Variants in PCDHGA2 observed in about 807,000 individuals in gnomAD.
The protein encoded by PCDHGA2 is protocadherin gamma subfamily A, 2.
A neutral mutation model predicts 59.2 loss-of-function variants in PCDHGA2; 40 were observed. The observed-to-expected ratio is 0.68, with a 90% CI of 0.52 to 0.88. The LOEUF (loss-of-function observed/expected upper bound fraction) is 0.88. PCDHGA2 is among the 40% of genes least tolerant of loss of function. The pLI, the probability that PCDHGA2 is intolerant of heterozygous loss-of-function variation, is 0.00. For synonymous variants in PCDHGA2, 560 were observed against 526.0 expected (o/e 1.06, Z -0.89); for missense variants, 1,226 against 1,204.0 (o/e 1.02, Z -0.27).
chr5:141,417,230 T>C (rs2096097492), intron 1 of PCDHGA2: 1 of 152,210 alleles, frequency 6.6e-6, no homozygotes, highest in Non-Finnish European at 1.5e-5. Context: ...AAAAAATTTG[T>C]TGCTTATCTT....
intron 1 of PCDHGA2, among the ~76,000 whole-genome samples, chr5:141,457,926 GGGCTTTTATT>G (rs1398565105): frequency 6.6e-6 from 1 of 151,120 alleles, no homozygotes; most frequent in Non-Finnish European, 1.5e-5. Context: ...TCTCCCCAAG[GGGCTTTTATT>G]GGCTCTGCAT....
intron 1 of PCDHGA2, chr5:141,398,702 C>G: frequency 6.2e-7 from 1 of 1,613,832 alleles, no homozygotes; most frequent in Non-Finnish European, 8.5e-7. Flanking sequence ...AGTAAATACC[C>G]GGAACTGGCA....
chr5:141,381,122 C>G (rs1328848955), intron 1 of PCDHGA2, among the ~76,000 whole-genome samples: 2 of 152,200 alleles, frequency 1.3e-5, no homozygotes, highest in Admixed American at 1.3e-4. Context: ...TCCCTGTATT[C>G]TGGAGCAATG....
intron 1 of PCDHGA2, chr5:141,410,775 T>A: frequency 1.0e-6 from 1 of 998,978 alleles, no homozygotes. Flanking sequence ...TAGTTTTCAC[T>A]ATGTATTTGG....
intron 1 of PCDHGA2, among the ~76,000 whole-genome samples, chr5:141,480,911 G>A (rs2154578422): frequency 6.6e-6 from 1 of 152,218 alleles, no homozygotes; most frequent in East Asian, 1.9e-4. Flanking sequence ...TGGGCATGGT[G>A]GCGCATACCT....
chr5:141,470,872 TTTTTTG>T (rs900302332), intron 1 of PCDHGA2, among the ~76,000 whole-genome samples: 3 of 151,814 alleles, frequency 2.0e-5, no homozygotes, highest in African/African-American at 4.8e-5. Context: ...GTTTGTTTGT[TTTTTTG>T]TTTTTGTTTT....
rs1460175237 is a variant in PCDHGA2, at chr5:141,485,185, G to A, written c.2425-9622G>A. ...AGCGGGCGGCAGCAATGCTCCGCAAGGTGAGAAGCTGGACAGAAATCTGGC... is the reference window on the plus strand; with the variant it reads ...AGCGGGCGGCAGCAATGCTCCGCAAAGTGAGAAGCTGGACAGAAATCTGGC... On this transcript the variant is annotated intron_variant, in intron 1 of 3. Transcript: ENST00000394576. This position sits in a 1 kb window ranked among gnomAD's most constrained non-coding sequence, Gnocchi z 5.7. 3.1e-6 allele frequency: 5 copies of A among 1,613,528 alleles called. No individual in the cohort carries two copies. Among genetic ancestry groups the A allele is most frequent in the African/African-American group, 2.7e-5 (2 of 75,052 alleles).
rs376621545 is a variant in PCDHGA2, at chr5:141,422,143, G to A, written c.2425-72664G>A. The stretch of plus-strand genomic sequence containing the variant: ...ACAAACTGGAGAAGTTCAAGTACGG[G>A]GGTCTCTGGATTTTGAAAAATATAG... On this transcript the variant is annotated intron_variant, in intron 1 of 3. Transcript: ENST00000394576. 36 of 1,583,638 alleles carry A rather than the reference G, an allele frequency of 2.3e-5. No individual in the cohort carries two copies. The African/African-American group carries it at 3.8e-4, about 17-fold the overall frequency.
chr5:141,456,353 G>A (rs1041991824), intron 1 of PCDHGA2, among the ~76,000 whole-genome samples: 2 of 152,120 alleles, frequency 1.3e-5, no homozygotes, highest in South Asian at 2.1e-4. Context: ...GAAGAATGGC[G>A]TCCATGTGTG....
intron 1 of PCDHGA2, chr5:141,389,664 G>A (rs1182835621): frequency 5.0e-6 from 8 of 1,612,210 alleles, no homozygotes; most frequent in Admixed American, 1.7e-5. Context: ...GGCGGTGGAC[G>A]CAGACTCAGG....
rs539072548 is a variant in PCDHGA2 at position 141,421,546 on chromosome 5, A to G, written c.2425-73261A>G. 4.3e-6 allele frequency: 7 copies of G among 1,613,896 alleles called. No homozygotes were observed. The South Asian group carries it at 4.4e-5, about 10-fold the overall frequency. ...GACGGTGTCCTCCTGTTTTTTAAAT[A>G]TGGAACTTCTCGTGGAAGACACCTT... On this transcript the variant is annotated intron_variant, in intron 1 of 3. Transcript: ENST00000394576.
intron 1 of PCDHGA2, among the ~76,000 whole-genome samples, chr5:141,362,788 C>T (rs1395369967): frequency 6.6e-6 from 1 of 152,198 alleles, no homozygotes; most frequent in East Asian, 1.9e-4. Flanking sequence ...ATTTCTTTTT[C>T]TTCCTCATCT....
rs1288831801 is a variant in PCDHGA2, at chr5:141,477,793, T to C, written c.2425-17014T>C. The C allele has an allele frequency of 6.2e-7, 1 of 1,614,050 alleles. No homozygotes were observed. The highest frequency in any genetic ancestry group is 2.2e-5 in the East Asian group (1 of 44,874). ...TCAGCGTGAACATATTTGTCACTGATCGCAATGACAATGCCCCCCAGGTCC... is the reference window on the plus strand; with the variant it reads ...TCAGCGTGAACATATTTGTCACTGACCGCAATGACAATGCCCCCCAGGTCC... On this transcript the variant is annotated intron_variant, in intron 1 of 3. Coordinates refer to ENST00000394576, the MANE Select transcript of PCDHGA2 (RefSeq NM_018915.4). This position sits in a 1 kb window ranked among gnomAD's most constrained non-coding sequence, Gnocchi z 4.9.
chr5:141,338,913 G>C lies in PCDHGA2; in HGVS notation c.-59G>C, dbSNP rs1756788667. ...GTTATCTCACACCCTGAGGAATAAA[G>C]ATTGGAATCCGCACTGGATGCTGGA... On this transcript the variant is annotated 5_prime_UTR_variant, in exon 1 of 4. Coordinates refer to ENST00000394576, the MANE Select transcript of PCDHGA2 (RefSeq NM_018915.4). 17 of 1,506,164 alleles carry C rather than the reference G, an allele frequency of 1.1e-5. No homozygotes were observed. The highest frequency in any genetic ancestry group is 1.5e-5 in the Non-Finnish European group (17 of 1,127,898). 93.3% of individuals were successfully genotyped at this position (1,506,164 alleles called of 1,614,324 possible).
At position 141,419,393 on chromosome 5, in the gene PCDHGA2, G is replaced by A. The variant is rs1226844501; in HGVS notation, c.2425-75414G>A. On this transcript the variant is annotated intron_variant, in intron 1 of 3. Transcript: ENST00000394576. The stretch of plus-strand genomic sequence containing the variant: ...CTACGTGTCCGTGAGCGCGCAGAGC[G>A]GGGTGGTGTTCGCGCAGCGCGCCTT... 6.2e-7 allele frequency: 1 copy of A among 1,613,502 alleles called. No homozygotes were observed. Among genetic ancestry groups the A allele is most frequent in the Non-Finnish European group, 8.5e-7 (1 of 1,179,920 alleles).
chr5:141,386,522 C>CG (rs1554089719), intron 1 of PCDHGA2, among the ~76,000 whole-genome samples: 3 of 152,174 alleles, frequency 2.0e-5, no homozygotes, highest in Admixed American at 2.0e-4. Context: ...CAAAAAAAGA[C>CG]TCTTTTTAGA....
chr5:141,441,852 G>T (rs1169073404), intron 1 of PCDHGA2: 2 of 352,708 alleles, frequency 5.7e-6, no homozygotes, highest in African/African-American at 2.2e-5. Flanking sequence ...TGGATATGGT[G>T]CTGCACGCCG....
chr5:141,382,310 C>T (rs1423976376), intron 1 of PCDHGA2, among the ~76,000 whole-genome samples: 1 of 152,178 alleles, frequency 6.6e-6, no homozygotes, highest in African/African-American at 2.4e-5. Flanking sequence ...AATTTATATA[C>T]ACTGATGTAA....
At position 141,431,260 on chromosome 5, in the gene PCDHGA2, G is replaced by A. The variant is rs762250032; in HGVS notation, c.2425-63547G>A. The A allele has an allele frequency of 6.2e-7, 1 of 1,614,170 alleles. No individual in the cohort carries two copies. The highest frequency in any genetic ancestry group is 2.2e-5 in the East Asian group (1 of 44,892). On this transcript the variant is annotated intron_variant, in intron 1 of 3. Coordinates refer to ENST00000394576, the MANE Select transcript of PCDHGA2 (RefSeq NM_018915.4). The surrounding 1 kb of genome is among the most constrained non-coding windows in gnomAD (Gnocchi z 4.8). The stretch of plus-strand genomic sequence containing the variant: ...ATCCGGATATCGGGAAGAACTCTCT[G>A]CAGAGCTACGAGCTCAGCCCGAACA...
Sources: allele counts gnomAD v4.1 joint callset (sites outside exome capture counted in the v4.1 genomes callset), GRCh38; gene constraint gnomAD v4.1.1; non-coding constraint Gnocchi (gnomAD v3.1); transcripts MANE v1.5; gene names NCBI Gene and HGNC (gene_info 2026-07-23, HGNC 2026-07-21).